Variants in SEMA3D observed in about 807,000 individuals in gnomAD.
The protein encoded by SEMA3D is semaphorin 3D, also known as semaphorin-3D.
A neutral mutation model predicts 100.1 loss-of-function variants in SEMA3D; 84 were observed. The ratio of observed to expected loss-of-function variants is 0.84; its 90% CI spans 0.70 to 1.01. SEMA3D has a LOEUF of 1.01. Among genes scored for constraint, SEMA3D ranks in the 50% least tolerant of loss-of-function variants. The probability of loss-of-function intolerance (pLI) is 0.00; values close to 1 mark genes in which losing one functional copy is unlikely to be tolerated. For missense variants in SEMA3D, 875 were observed against 934.1 expected, an observed-to-expected ratio of 0.94 and a Z score of 0.82; for synonymous variants, 312 against 320.7, an observed-to-expected ratio of 0.97 and a Z score of 0.29.
the SEMA3D span, among the ~76,000 whole-genome samples, chr7:85,245,283 C>A: frequency 6.6e-6 from 1 of 152,098 alleles, no homozygotes; most frequent in South Asian, 2.1e-4. Flanking sequence ...ACAAGAGAAC[C>A]TGCAGAGGCT....
At chr7:85,059,562 A>G (rs148711450) in intron 8 of SEMA3D, among the ~76,000 whole-genome samples, 19 of 152,294 alleles carry the variant, frequency 1.2e-4, no homozygotes, top group African/African-American at 4.6e-4. Context: ...ATTGAATTGA[A>G]TTTATAATTT....
At chr7:85,207,489 GT>G in the SEMA3D span, among the ~76,000 whole-genome samples, 1 of 152,036 alleles carries the variant, frequency 6.6e-6, no homozygotes, top group Non-Finnish European at 1.5e-5. Flanking sequence ...AAGTGCAAAT[GT>G]TTCCCATGAT....
chr7:85,044,865 T>A (rs1790963028), intron 9 of SEMA3D, among the ~76,000 whole-genome samples: 1 of 152,114 alleles, frequency 6.6e-6, no homozygotes, highest in African/African-American at 2.4e-5. Context: ...GGTTTTTGAA[T>A]AATTTTTAAT....
chr7:85,177,808 T>G (rs757007523), intron 1 of SEMA3D, among the ~76,000 whole-genome samples: 1 of 152,136 alleles, frequency 6.6e-6, no homozygotes, highest in Non-Finnish European at 1.5e-5. Flanking sequence ...AGGTGGTAAA[T>G]GGAAGTAGAG....
At chr7:85,112,049 A>G (rs1789110819) in intron 3 of SEMA3D, among the ~76,000 whole-genome samples, 1 of 152,120 alleles carries the variant, frequency 6.6e-6, no homozygotes, top group Non-Finnish European at 1.5e-5. Flanking sequence ...ATTTTTCTCC[A>G]TAGTGTTGGT....
At chr7:85,102,863 A>G (rs1207424545) in intron 3 of SEMA3D, among the ~76,000 whole-genome samples, 1 of 152,006 alleles carries the variant, frequency 6.6e-6, no homozygotes, top group Non-Finnish European at 1.5e-5. Flanking sequence ...ATCATAACCA[A>G]TTCTATGGGG....
At chr7:85,204,206 A>C in the SEMA3D span, among the ~76,000 whole-genome samples, 1 of 152,112 alleles carries the variant, frequency 6.6e-6, no homozygotes, top group Non-Finnish European at 1.5e-5. Context: ...ATAGACTATT[A>C]CTTAATTGAC....
At chr7:85,180,704 G>C (rs1191286959) in intron 1 of SEMA3D, among the ~76,000 whole-genome samples, 1 of 151,992 alleles carries the variant, frequency 6.6e-6, no homozygotes, top group Non-Finnish European at 1.5e-5. Flanking sequence ...AATAATCAAA[G>C]TCCATACATT....
intron 1 of SEMA3D, among the ~76,000 whole-genome samples, chr7:85,162,303 T>A (rs373595410): frequency 2.0e-5 from 3 of 152,090 alleles, no homozygotes; most frequent in African/African-American, 7.2e-5. Flanking sequence ...AGTCACAGCA[T>A]CAGTAAACAC....
At chr7:85,098,838 T>TC (rs551933504) in intron 3 of SEMA3D, among the ~76,000 whole-genome samples, 92 of 151,966 alleles carry the variant, frequency 6.1e-4, no homozygotes, top group Non-Finnish European at 1.1e-3. Context: ...TTCATCCTTC[T>TC]CCCCCACCCC....
intron 9 of SEMA3D, among the ~76,000 whole-genome samples, chr7:85,052,352 C>T (rs1791189947): frequency 6.6e-6 from 1 of 151,982 alleles, no homozygotes; most frequent in South Asian, 2.1e-4. Flanking sequence ...AACAAAACTT[C>T]TTATCAACCA....
intron 12 of SEMA3D, among the ~76,000 whole-genome samples, chr7:85,033,894 A>ACACAC: frequency 2.1e-5 from 2 of 93,870 alleles, no homozygotes; most frequent in Non-Finnish European, 4.3e-5. Flanking sequence ...CACACACACA[A>ACACAC]TCTCCCAGGG....
the SEMA3D span, among the ~76,000 whole-genome samples, chr7:85,198,938 A>G: frequency 6.6e-5 from 10 of 151,528 alleles, no homozygotes; most frequent in Admixed American, 4.6e-4. Flanking sequence ...GTAAATAGCC[A>G]TACATTTTCT....
chr7:85,121,631 C>A (rs1426462575), intron 3 of SEMA3D, 110 bp downstream of exon 3: 1 of 612,020 alleles, frequency 1.6e-6, no homozygotes, highest in East Asian at 3.2e-5. Flanking sequence ...GAACTGATGC[C>A]AAAACATTTC....
At chr7:85,128,921 T>A (rs1789642275) in intron 2 of SEMA3D, among the ~76,000 whole-genome samples, 1 of 139,956 alleles carries the variant, frequency 7.1e-6, no homozygotes, top group Non-Finnish European at 1.5e-5. Context: ...AGATAGGGTC[T>A]CACTCTGTAA....
chr7:85,114,632 G>A (rs1042842898), intron 3 of SEMA3D, among the ~76,000 whole-genome samples: 2 of 152,066 alleles, frequency 1.3e-5, no homozygotes, highest in East Asian at 1.9e-4. Context: ...CTGATTACCA[G>A]CCTTTGACAT....
intron 3 of SEMA3D, among the ~76,000 whole-genome samples, chr7:85,107,325 T>C (rs574205836): frequency 6.6e-6 from 1 of 152,214 alleles, no homozygotes; most frequent in East Asian, 1.9e-4. Flanking sequence ...AGGAGCATCA[T>C]CTGGTAAAGG....
chr7:85,070,625 C>T (rs886447503), intron 6 of SEMA3D, among the ~76,000 whole-genome samples: 8 of 152,188 alleles, frequency 5.3e-5, no homozygotes, highest in South Asian at 2.1e-4. Flanking sequence ...ATTACCTGTA[C>T]GCCAGACCAG....
chr7:85,151,627 G>A, intron 2 of SEMA3D: 3 of 936,426 alleles, frequency 3.2e-6, no homozygotes, highest in Non-Finnish European at 3.8e-6. Context: ...GTGTGTGTGT[G>A]TGTGATCAAG....
Sources: gnomAD v4.1 joint callset for allele counts (sites outside exome capture counted in the v4.1 genomes callset) on GRCh38, gnomAD v4.1.1 for gene constraint, MANE v1.5 for transcripts, NCBI Gene and HGNC (gene_info 2026-07-23, HGNC 2026-07-21) for gene names.